ZUP1: variants seen among roughly 807,000 people sequenced by gnomAD.
ZUP1 encodes the protein zinc finger containing ubiquitin peptidase 1.
Under a neutral mutation model 68.1 loss-of-function variants are expected in ZUP1, and 55 were observed. That is an observed-to-expected ratio of 0.81 (90% CI 0.65 to 1.01). The LOEUF (loss-of-function observed/expected upper bound fraction) is 1.01. Among genes scored for constraint, ZUP1 ranks in the 50% least tolerant of loss-of-function variants. The pLI is 0.00. For missense variants in ZUP1, 684 were observed against 674.9 expected (o/e 1.01, Z -0.15); for synonymous variants, 223 against 221.5 (o/e 1.01, Z -0.06).
chr6:116,663,680 C>T (rs1369358263), intron 2 of ZUP1, among the ~76,000 whole-genome samples: 1 of 152,164 alleles, frequency 6.6e-6, no homozygotes, highest in African/African-American at 2.4e-5. Context: ...GTGGCTCCCA[C>T]CTGCAATCCT....
At chr6:116,645,582 CCAAAAA>C in intron 9 of ZUP1, 126 bp downstream of exon 9, 1 of 615,392 alleles carries the variant, frequency 1.6e-6, no homozygotes, top group Non-Finnish European at 2.5e-6. Context: ...GACCCTGTCT[CCAAAAA>C]AAAAAAAAAA....
Position 116,652,278 on chromosome 6 carries a change from G to C in ZUP1, c.962-86C>G, listed in dbSNP as rs972933800. The C allele has an allele frequency of 4.0e-6, 4 of 990,316 alleles. No homozygotes were observed. The East Asian group carries it at 7.8e-5, about 19-fold the overall frequency. 61.3% of individuals were successfully genotyped at this position (990,316 alleles called of 1,614,324 possible). A position where few individuals can be genotyped will look rare whatever the true frequency, so the allele number is the denominator to read the frequency against. ...TTTTTAATATCAACCTCTCCTTCAC[G>C]CACCATACCTAAATCCTGTTAATTC... On this transcript the variant is annotated intron_variant, in intron 5 of 9. Transcript: ENST00000368576.
chr6:116,643,651 C>T (rs557327085), intron 9 of ZUP1, among the ~76,000 whole-genome samples: 36 of 152,308 alleles, frequency 2.4e-4, no homozygotes, highest in African/African-American at 8.7e-4. Flanking sequence ...AAAGCTGAAA[C>T]TCGATCCCTT....
At chr6:116,638,258 C>CT (rs1298216135) in intron 9 of ZUP1, among the ~76,000 whole-genome samples, 3 of 151,980 alleles carry the variant, frequency 2.0e-5, no homozygotes, top group Non-Finnish European at 2.9e-5. Context: ...TATTTTGGAG[C>CT]TTTTTTTTCT....
intron 7 of ZUP1, among the ~76,000 whole-genome samples, chr6:116,650,147 G>C (rs1776436238): frequency 6.6e-6 from 1 of 152,164 alleles, no homozygotes. Flanking sequence ...AGCAGGCCGG[G>C]CGCCGTGGCT....
rs747537034 is a variant in ZUP1, at chr6:116,645,920, C to T, written c.1483G>A (p.Val495Ile). The T allele has an allele frequency of 2.5e-6, 4 of 1,612,608 alleles. No homozygotes were observed. Among genetic ancestry groups the T allele is most frequent in the Non-Finnish European group, 3.4e-6 (4 of 1,179,330 alleles). ...TTTTTTTTCTCTTCAATTCCAATAA[C>T]AGTTCGACTGTGACCTATCAAAAGA... ...YLQHQGHSRT[V>I]IGIEEKKNRT... The change falls in exon 9 of 10, where the codon GTT (valine) becomes ATT (isoleucine). Residue 495 changes from valine to isoleucine, a missense_variant. Coordinates refer to ENST00000368576, the MANE Select transcript of ZUP1 (RefSeq NM_145062.3).
chr6:116,640,538 A>G (rs910467361), intron 9 of ZUP1, among the ~76,000 whole-genome samples: 9 of 152,116 alleles, frequency 5.9e-5, no homozygotes, highest in Non-Finnish European at 1.3e-4. Flanking sequence ...AATATTCAAC[A>G]TTCTTAAAGA....
chr6:116,639,747 G>A (rs913217648), intron 9 of ZUP1, among the ~76,000 whole-genome samples: 10 of 152,216 alleles, frequency 6.6e-5, no homozygotes, highest in Non-Finnish European at 1.0e-4. Flanking sequence ...AAAAAACAGA[G>A]CAGAAAAACT....
At chr6:116,656,906 G>T in intron 4 of ZUP1, 54 bp from the exon 5 acceptor site, 1 of 1,203,336 alleles carries the variant, frequency 8.3e-7, no homozygotes, top group South Asian at 1.6e-5. Flanking sequence ...AACTCTATGA[G>T]GATGGAAACT....
chr6:116,652,506 T>A (rs1175477918), intron 5 of ZUP1, among the ~76,000 whole-genome samples: 1 of 152,184 alleles, frequency 6.6e-6, no homozygotes, highest in Non-Finnish European at 1.5e-5. Flanking sequence ...TGGAGATCAC[T>A]CAGTCTTAAT....
intron 6 of ZUP1, 81 bp from the exon 7 acceptor site, chr6:116,651,818 G>A (rs879829194): frequency 3.3e-6 from 5 of 1,514,312 alleles, no homozygotes; most frequent in Non-Finnish European, 4.5e-6. Flanking sequence ...TGTACTCGGG[G>A]AACTTTACGG....
intron 7 of ZUP1, among the ~76,000 whole-genome samples, chr6:116,648,624 T>TA (rs1776386551): frequency 6.6e-6 from 1 of 152,122 alleles, no homozygotes; most frequent in African/African-American, 2.4e-5. Context: ...GATATATTAA[T>TA]AAAAAAGCTT....
At chr6:116,665,372 CAA>C (rs1354950375) in intron 2 of ZUP1, among the ~76,000 whole-genome samples, 6 of 151,984 alleles carry the variant, frequency 3.9e-5, no homozygotes, top group South Asian at 2.1e-4. Context: ...TAGAAGTTGG[CAA>C]AGAGTTTTTA....
chr6:116,635,795 T>C lies in ZUP1; in HGVS notation c.*37A>G. The C allele has an allele frequency of 6.4e-7, 1 of 1,561,116 alleles. No individual in the cohort carries two copies. Among genetic ancestry groups the C allele is most frequent in the East Asian group, 2.3e-5 (1 of 44,008 alleles). Reference sequence around the variant, plus strand: ...TATCTACATTTAGAAAACAAAGTATTGTTCTCAATCACTGAAATGCTTAAA... The same window carrying C: ...TATCTACATTTAGAAAACAAAGTATCGTTCTCAATCACTGAAATGCTTAAA... On this transcript the variant is annotated 3_prime_UTR_variant, in exon 10 of 10. Coordinates refer to ENST00000368576, the MANE Select transcript of ZUP1 (RefSeq NM_145062.3).
intron 9 of ZUP1, 91 bp downstream of exon 9, chr6:116,645,622 GA>G: frequency 1.6e-6 from 1 of 615,670 alleles, no homozygotes. Flanking sequence ...AGAAAAAAAA[GA>G]AAAAAGTGAT....
chr6:116,658,925 C>T lies in ZUP1; in HGVS notation c.671-1G>A. The T allele has an allele frequency of 6.2e-7, 1 of 1,602,332 alleles. No individual in the cohort carries two copies. Among genetic ancestry groups the T allele is most frequent in the South Asian group, 1.1e-5 (1 of 87,802 alleles). On this transcript the variant is annotated splice_acceptor_variant, in intron 3 of 9. Transcript: ENST00000368576. LOFTEE classifies it high-confidence loss of function. ...CCAGAACACTGGACTCTATCCATGCCTGTTAGGTATTGTTAATGTTCAGAA... is the reference window on the plus strand; with the variant it reads ...CCAGAACACTGGACTCTATCCATGCTTGTTAGGTATTGTTAATGTTCAGAA...
chr6:116,658,291 A>C (rs1022811345), intron 4 of ZUP1, among the ~76,000 whole-genome samples: 1 of 152,244 alleles, frequency 6.6e-6, no homozygotes, highest in African/African-American at 2.4e-5. Flanking sequence ...GAAGCCTCAA[A>C]TATCATTTAA....
chr6:116,645,848 C>G lies in ZUP1; in HGVS notation c.1555G>C (p.Glu519Gln). 6.2e-7 allele frequency: 1 copy of G among 1,613,876 alleles called. No individual in the cohort carries two copies. The highest frequency in any genetic ancestry group is 8.5e-7 in the Non-Finnish European group (1 of 1,179,914). ...LILDPGCPSR[E>Q]MQKLLKQDIE... ...TCTTGCTTTAATAATTTCTGCATTT[C>G]TCGAGAAGGACATCCAGGATCAAGT... is the stretch of plus-strand genomic sequence containing the variant. The change falls in exon 9 of 10, where the codon GAA becomes CAA. Residue 519 changes from glutamate (E) to glutamine (Q), a missense_variant. Glu to Gln is a conservative substitution (Grantham distance 29). Coordinates refer to ENST00000368576, the MANE Select transcript of ZUP1 (RefSeq NM_145062.3).
chr6:116,648,148 T>C (rs576682944), intron 7 of ZUP1, among the ~76,000 whole-genome samples: 7 of 152,326 alleles, frequency 4.6e-5, no homozygotes, highest in African/African-American at 1.7e-4. Context: ...AAAATGTGTG[T>C]GTACTCAATC....
Sources: gnomAD v4.1 joint callset for allele counts (sites outside exome capture counted in the v4.1 genomes callset) on GRCh38, gnomAD v4.1.1 for gene constraint, MANE v1.5 for transcripts, NCBI Gene and HGNC (gene_info 2026-07-23, HGNC 2026-07-21) for gene names.